Variants in HIVEP1 observed in about 807,000 individuals in gnomAD.
The protein encoded by HIVEP1 is zinc finger protein 40.
A neutral mutation model predicts 180.0 loss-of-function variants in HIVEP1; 36 were observed. That is an observed-to-expected ratio of 0.20 (90% CI 0.15 to 0.26). The LOEUF (loss-of-function observed/expected upper bound fraction) is 0.26, where lower values mean the gene tolerates loss of function less well. HIVEP1 is among the 10% of genes least tolerant of loss of function. The pLI, the probability that HIVEP1 is intolerant of heterozygous loss-of-function variation, is 1.00. For synonymous variants in HIVEP1, 1,239 were observed against 1,239.0 expected (o/e 1.00, Z 0.00); for missense variants, 3,143 against 3,268.7 (o/e 0.96, Z 0.94).
the HIVEP1 span, among the ~76,000 whole-genome samples, chr6:12,178,541 A>T: frequency 3.9e-5 from 6 of 152,272 alleles, no homozygotes; most frequent in African/African-American, 1.4e-4. Flanking sequence ...AATGCAAATT[A>T]AAACAAGATA....
chr6:12,107,044 TCTTAA>T (rs1774473272), intron 3 of HIVEP1, among the ~76,000 whole-genome samples: 1 of 152,218 alleles, frequency 6.6e-6, no homozygotes, highest in Non-Finnish European at 1.5e-5. Flanking sequence ...TTCTATGTCC[TCTTAA>T]CTTTTTTGAA....
At chr6:12,039,244 A>G (rs1334653169) in intron 2 of HIVEP1, 12 of 152,374 alleles carry the variant, frequency 7.9e-5, no homozygotes, top group Middle Eastern at 3.4e-3. Flanking sequence ...TGCATATATC[A>G]ACAGGCATTG....
Position 12,122,438 on chromosome 6 carries a change from G to T in HIVEP1, c.2643G>T (p.Ser881=), listed in dbSNP as rs373358319. ...CTTTCTATGATGATGTCTTTGTATC[G>T]GGACCTAACGCTCCTGTGCCCCAGA... The part of the protein sequence containing the change: ...IGAFYDDVFV[S]GPNAPVPQSG... The change falls in exon 4 of 9, where the codon TCG becomes TCT. Residue 881 remains serine (S), a synonymous_variant. Coordinates refer to ENST00000379388, the MANE Select transcript of HIVEP1 (RefSeq NM_002114.4). 6.2e-7 allele frequency: 1 copy of T among 1,614,126 alleles called. No homozygotes were observed. Among genetic ancestry groups the T allele is most frequent in the Non-Finnish European group, 8.5e-7 (1 of 1,180,026 alleles).
At position 12,142,223 on chromosome 6, in the gene HIVEP1, A is replaced by C. The variant is rs189987484; in HGVS notation, c.6487+6331A>C. Among the ~76,000 whole-genome samples, 59 of 152,354 alleles carry C rather than the reference A, an allele frequency of 3.9e-4. No individual in the cohort carries two copies. In the East Asian group the frequency reaches 7.3e-3, roughly 19 times the overall value. ...TGCAATCCAATTAGAACTCAGGATT[A>C]AGAAACTCACTCAAAACCGCACAAC... On this transcript the variant is annotated intron_variant, in intron 7 of 8. Transcript: ENST00000379388.
At position 12,063,732 on chromosome 6, in the gene HIVEP1, G is replaced by A. The variant is rs1036547914; in HGVS notation, c.41-25452G>A. Among the ~76,000 whole-genome samples, 1 of 152,172 alleles carries A rather than the reference G, an allele frequency of 6.6e-6. No individual in the cohort carries two copies. The highest frequency in any genetic ancestry group is 2.4e-5 in the African/African-American group (1 of 41,430). Reference sequence around the variant, plus strand: ...CAGCACTTAATAAAGAACAGTGAAGGTTTTGAGAGGTGGTCACTGGGCAGT... The same window carrying A: ...CAGCACTTAATAAAGAACAGTGAAGATTTTGAGAGGTGGTCACTGGGCAGT... On this transcript the variant is annotated intron_variant, in intron 2 of 8. Transcript: ENST00000379388. This position sits in a 1 kb window ranked among gnomAD's most constrained non-coding sequence, Gnocchi z 4.2.
intron 2 of HIVEP1, among the ~76,000 whole-genome samples, chr6:12,026,785 T>G (rs972467455): frequency 6.0e-4 from 91 of 152,212 alleles, no homozygotes; most frequent in Non-Finnish European, 4.3e-4. Context: ...CAGCCATTTT[T>G]TATTGTTTTT....
intron 3 of HIVEP1, among the ~76,000 whole-genome samples, chr6:12,100,371 C>T (rs190809805): frequency 2.2e-4 from 34 of 152,226 alleles, no homozygotes; most frequent in Middle Eastern, 3.4e-3. Flanking sequence ...TTCAACCTAC[C>T]GAATGGTTGC....
chr6:12,125,740 C>T lies in HIVEP1; in HGVS notation c.5945C>T (p.Thr1982Ile). Residue 1982 changes from threonine to isoleucine, a missense_variant, in exon 4 of 9, where the codon ACA becomes ATA. Transcript: ENST00000379388. ...ASNPNPLGLP[T>I]KVALALLNSK... ...AATCCAAATCCACTCGGTTTGCCCACAAAAGTTGCACTTGCTCTCCTTAAT... is the reference window on the plus strand; with the variant it reads ...AATCCAAATCCACTCGGTTTGCCCATAAAAGTTGCACTTGCTCTCCTTAAT... The T allele has an allele frequency of 6.2e-7, 1 of 1,614,176 alleles. No homozygotes were observed. The highest frequency in any genetic ancestry group is 8.5e-7 in the Non-Finnish European group (1 of 1,180,008).
At position 12,120,826 on chromosome 6, in the gene HIVEP1, A is replaced by T; in HGVS notation, c.1031A>T (p.Gln344Leu). 3.7e-6 allele frequency: 6 copies of T among 1,614,128 alleles called. No homozygotes were observed. Among genetic ancestry groups the T allele is most frequent in the Non-Finnish European group, 5.1e-6 (6 of 1,179,974 alleles). Residue 344 changes from glutamine to leucine, a missense_variant, in exon 4 of 9, where the codon CAG becomes CTG. This residue lies in a region of HIVEP1 where 306 missense variants were observed against 310.6 expected (regional missense o/e 0.99). Transcript: ENST00000379388. ...VGLTSPSSRS[Q>L]VTPQNQQMDS... ...CTAACTTCACCTTCCAGTAGATCTC[A>T]GGTTACTCCTCAAAACCAGCAAATG...
downstream of HIVEP1, among the ~76,000 whole-genome samples, chr6:12,165,849 C>G (rs1003363081): frequency 3.4e-4 from 51 of 152,168 alleles, no homozygotes; most frequent in Admixed American, 2.6e-3. Flanking sequence ...CTGCTGCTAG[C>G]CAACCCAGCT....
At chr6:12,170,439 C>T in the HIVEP1 span, among the ~76,000 whole-genome samples, 2 of 152,254 alleles carry the variant, frequency 1.3e-5, no homozygotes, top group Admixed American at 1.3e-4. Flanking sequence ...GGCGTGCCAT[C>T]TATAATCTTA....
At chr6:12,093,326 TTAAAGTGCCTTCTATTCAC>T (rs1773596056) in intron 3 of HIVEP1, among the ~76,000 whole-genome samples, 1 of 151,820 alleles carries the variant, frequency 6.6e-6, no homozygotes, top group Admixed American at 6.6e-5. Context: ...TTTACTTCAT[TTAAAGTGCCTTCTATTCAC>T]TAAAGTGAAT....
chr6:12,092,975 T>C (rs1409337602), intron 3 of HIVEP1, among the ~76,000 whole-genome samples: 2 of 152,170 alleles, frequency 1.3e-5, no homozygotes, highest in African/African-American at 2.4e-5. Context: ...TAGGGTGTGA[T>C]GAAGTATTTG....
intron 2 of HIVEP1, among the ~76,000 whole-genome samples, chr6:12,041,549 A>C (rs2113680220): frequency 6.6e-6 from 1 of 151,094 alleles, no homozygotes; most frequent in East Asian, 1.9e-4. Context: ...TGGTGTAGAC[A>C]TCCTTCATGT....
intron 2 of HIVEP1, among the ~76,000 whole-genome samples, chr6:12,024,249 A>ATTTTTTTTTTTT (rs201215779): frequency 1.5e-5 from 2 of 134,864 alleles, no homozygotes; most frequent in South Asian, 2.3e-4. Context: ...ATTGATTTTG[A>ATTTTTTTTTTTT]TTTTTTTTTT....
intron 3 of HIVEP1, among the ~76,000 whole-genome samples, chr6:12,111,057 ATTTAT>A (rs1394532869): frequency 6.6e-6 from 1 of 152,238 alleles, no homozygotes; most frequent in East Asian, 1.9e-4. Context: ...CACACACAAC[ATTTAT>A]TAAGTTTACT....
Position 12,124,046 on chromosome 6 carries a change from G to T in HIVEP1, c.4251G>T (p.Gly1417=), listed in dbSNP as rs1184502452. Residue 1417 remains glycine (G), a synonymous_variant, in exon 4 of 9, where the codon GGG becomes GGT. Coordinates refer to ENST00000379388, the MANE Select transcript of HIVEP1 (RefSeq NM_002114.4). The part of the protein sequence containing the change: ...PSSPSRVGVT[G]HVPLLERRRG... ...CACCTTCTCGAGTGGGAGTGACTGGGCATGTGCCTCTCTTAGAAAGAAGGA... is the reference window on the plus strand; with the variant it reads ...CACCTTCTCGAGTGGGAGTGACTGGTCATGTGCCTCTCTTAGAAAGAAGGA... The T allele has an allele frequency of 6.2e-7, 1 of 1,614,080 alleles. No individual in the cohort carries two copies. Among genetic ancestry groups the T allele is most frequent in the Admixed American group, 1.7e-5 (1 of 60,026 alleles).
At chr6:12,200,999 T>C in the HIVEP1 span, among the ~76,000 whole-genome samples, 1 of 152,220 alleles carries the variant, frequency 6.6e-6, no homozygotes, top group African/African-American at 2.4e-5. Context: ...TACTGAACCA[T>C]TGATTGAATG....
intron 2 of HIVEP1, among the ~76,000 whole-genome samples, chr6:12,060,082 A>G (rs1390815077): frequency 6.6e-6 from 1 of 152,214 alleles, no homozygotes; most frequent in Non-Finnish European, 1.5e-5. Flanking sequence ...ATTGTTCACC[A>G]GTAGTATCTT....
Sources: allele counts gnomAD v4.1 joint callset (sites outside exome capture counted in the v4.1 genomes callset), GRCh38; gene constraint gnomAD v4.1.1; regional missense constraint gnomAD v4.1.1; non-coding constraint Gnocchi (gnomAD v3.1); transcripts MANE v1.5; gene names NCBI Gene and HGNC (gene_info 2026-07-23, HGNC 2026-07-21).